Variants in SHC3 observed in about 807,000 individuals in gnomAD.
SHC3 encodes SHC adaptor protein 3.
In SHC3, 15 loss-of-function variants were observed where a neutral mutation model predicts 60.4. The observed-to-expected ratio is 0.25, with a 90% CI of 0.17 to 0.38. SHC3 has a LOEUF of 0.38. SHC3 is among the 10% of genes least tolerant of loss of function. The pLI, the probability that SHC3 is intolerant of heterozygous loss-of-function variation, is 1.00. For missense variants in SHC3, 677 were observed against 786.1 expected (o/e 0.86, Z 1.66); for synonymous variants, 294 against 325.9 (o/e 0.90, Z 1.05).
intron 2 of SHC3, chr9:89,109,836 A>G: frequency 1.0e-6 from 1 of 985,488 alleles, no homozygotes; most frequent in Non-Finnish European, 1.2e-6. Flanking sequence ...AGATCACATG[A>G]TTACTCAGCT....
intron 1 of SHC3, among the ~76,000 whole-genome samples, chr9:89,127,487 G>A (rs1826181085): frequency 6.6e-6 from 1 of 152,040 alleles, no homozygotes; most frequent in Non-Finnish European, 1.5e-5. Context: ...AACCTGTTTT[G>A]GAAAAAACCT....
intron 1 of SHC3, among the ~76,000 whole-genome samples, chr9:89,131,569 T>C (rs1336591114): frequency 6.6e-6 from 1 of 152,172 alleles, no homozygotes; most frequent in East Asian, 1.9e-4. Flanking sequence ...CATGATCAAG[T>C]TGGCTTCATC....
intron 2 of SHC3, among the ~76,000 whole-genome samples, chr9:89,101,062 C>T (rs1045689988): frequency 1.3e-5 from 2 of 152,184 alleles, no homozygotes; most frequent in Non-Finnish European, 2.9e-5. Context: ...GTATATCTGT[C>T]CATTTATTTA....
intron 1 of SHC3, among the ~76,000 whole-genome samples, chr9:89,121,555 G>A (rs539918964): frequency 1.3e-5 from 2 of 152,288 alleles, no homozygotes. Context: ...CTCCCAAAGT[G>A]CTGGGATTAC....
intron 8 of SHC3, 105 bp from the exon 9 acceptor site, chr9:89,045,938 G>T: frequency 9.2e-7 from 1 of 1,092,732 alleles, no homozygotes; most frequent in Non-Finnish European, 1.3e-6. Flanking sequence ...AAGGTGGTTC[G>T]CATCCTCTGT....
chr9:89,143,104 A>G (rs907967536), intron 1 of SHC3, among the ~76,000 whole-genome samples: 2 of 152,178 alleles, frequency 1.3e-5, no homozygotes, highest in Admixed American at 1.3e-4. Context: ...GTAAAGTAAT[A>G]AGAGAATGGC....
intron 1 of SHC3, among the ~76,000 whole-genome samples, chr9:89,135,776 G>A (rs923703670): frequency 6.6e-6 from 1 of 152,094 alleles, no homozygotes; most frequent in Non-Finnish European, 1.5e-5. Flanking sequence ...GATGAGTAAT[G>A]TAGAAACAAT....
At chr9:89,147,987 A>G (rs1012870193) in intron 1 of SHC3, among the ~76,000 whole-genome samples, 12 of 152,196 alleles carry the variant, frequency 7.9e-5, no homozygotes, top group South Asian at 4.1e-4. Context: ...TACAAAATAA[A>G]TGTTGTTGAA....
intron 1 of SHC3, among the ~76,000 whole-genome samples, chr9:89,118,927 C>A (rs2118134714): frequency 6.6e-6 from 1 of 152,242 alleles, no homozygotes; most frequent in East Asian, 1.9e-4. Flanking sequence ...GTAAAAGTTG[C>A]AGATACACCT....
At position 89,005,932 on chromosome 9, in the gene SHC3, A is replaced by G. The variant is rs1023955917; in HGVS notation, c.*7515T>C. The G allele has an allele frequency of 1.3e-5, 2 of 152,212 alleles. No individual in the cohort carries two copies. Among genetic ancestry groups the G allele is most frequent in the African/African-American group, 4.8e-5 (2 of 41,452 alleles). The allele number at this position is 152,212 out of a possible 1,614,324, so 9.4% of individuals were successfully genotyped here. ...TAACAAGGTGCATTTTATAGAAAAC[A>G]TCTAATTAAATCACCAGTTTCATGC... On this transcript the variant is annotated 3_prime_UTR_variant, in exon 12 of 12. Transcript: ENST00000375835.
chr9:89,039,730 C>G (rs1227056854), intron 10 of SHC3, among the ~76,000 whole-genome samples: 1 of 152,052 alleles, frequency 6.6e-6, no homozygotes, highest in Non-Finnish European at 1.5e-5. Flanking sequence ...CTACCAGCAA[C>G]AGCAGCAGCA....
intron 11 of SHC3, among the ~76,000 whole-genome samples, chr9:89,016,132 G>C (rs1826089267): frequency 6.6e-6 from 1 of 151,898 alleles, no homozygotes; most frequent in African/African-American, 2.4e-5. Flanking sequence ...AAGAAAAAAA[G>C]ATGATAAGGC....
chr9:89,145,457 A>G (rs1826455165), intron 1 of SHC3, among the ~76,000 whole-genome samples: 1 of 152,248 alleles, frequency 6.6e-6, no homozygotes, highest in African/African-American at 2.4e-5. Context: ...ACTGCTACAC[A>G]ATGGGAAATG....
Position 89,165,328 on chromosome 9 carries a change from G to A in SHC3, c.474+12659C>T, listed in dbSNP as rs916123679. On this transcript the variant is annotated intron_variant, in intron 1 of 11. Transcript: ENST00000375835. ...ATATAAGTAGCAGATCATTTTTGGG[G>A]ATTATCTCTGAGAAGAATAAAATTA... Among the ~76,000 whole-genome samples the A allele has an allele frequency of 1.1e-4, 16 of 151,940 alleles. No homozygotes were observed. The East Asian group carries it at 2.9e-3, about 28-fold the overall frequency.
intron 1 of SHC3, among the ~76,000 whole-genome samples, chr9:89,164,036 G>T (rs1250398033): frequency 6.6e-6 from 1 of 152,004 alleles, no homozygotes; most frequent in Non-Finnish European, 1.5e-5. Context: ...TAACACCATC[G>T]AATTAGGGTT....
chr9:89,109,561 C>T (rs1825916196), intron 2 of SHC3: 1 of 985,326 alleles, frequency 1.0e-6, no homozygotes, highest in Non-Finnish European at 1.2e-6. Flanking sequence ...CCAAGCCTTC[C>T]AAGTGAACTC....
chr9:89,077,127 A>T (rs947333133), intron 3 of SHC3, among the ~76,000 whole-genome samples: 6 of 152,054 alleles, frequency 3.9e-5, no homozygotes, highest in African/African-American at 1.4e-4. Context: ...CAGTCAGCCA[A>T]GATCACGCCA....
At position 89,008,105 on chromosome 9, in the gene SHC3, A is replaced by C. The variant is rs772454613; in HGVS notation, c.*5342T>G. ...TTCACATTCACAAGTCCTGGTATAAAGTTGCAATTTTTCTGGCTGCTATAA... is the reference window on the plus strand; with the variant it reads ...TTCACATTCACAAGTCCTGGTATAACGTTGCAATTTTTCTGGCTGCTATAA... On this transcript the variant is annotated 3_prime_UTR_variant, in exon 12 of 12. Transcript: ENST00000375835. 8.5e-5 allele frequency: 13 copies of C among 152,236 alleles called. No homozygotes were observed. The highest frequency in any genetic ancestry group is 1.9e-4 in the Non-Finnish European group (13 of 68,052). The allele number at this position is 152,236 out of a possible 1,614,324, so 9.4% of individuals were successfully genotyped here.
rs150322088 is a variant in SHC3 at position 89,106,700 on chromosome 9, A to G, written c.545+5856T>C. ...CCACCCCTGCCACTGCTCCCTAGGT[A>G]TCCTCCCAAATAGCCTCCTGGCACC... On this transcript the variant is annotated intron_variant, in intron 2 of 11. Coordinates refer to ENST00000375835, the MANE Select transcript of SHC3 (RefSeq NM_016848.6). 5.3e-5 allele frequency among the ~76,000 whole-genome samples: 8 copies of G among 152,130 alleles called. No homozygotes were observed. The East Asian group carries it at 1.5e-3, about 29-fold the overall frequency.
Sources: gnomAD v4.1 joint callset for allele counts (sites outside exome capture counted in the v4.1 genomes callset) on GRCh38, gnomAD v4.1.1 for gene constraint, MANE v1.5 for transcripts, NCBI Gene and HGNC (gene_info 2026-07-23, HGNC 2026-07-21) for gene names.